The following CHD1 variants were observed in gnomAD, a reference collection of about 807,000 sequenced individuals.
CHD1 encodes ATP-dependent chromatin remodeler CHD1.
In CHD1, 36 loss-of-function variants were observed where a neutral mutation model predicts 224.2. That is an observed-to-expected ratio of 0.16 (90% CI 0.12 to 0.21). The LOEUF is 0.21. Among genes scored for constraint, CHD1 ranks in the 10% least tolerant of loss-of-function variants. CHD1 has a pLI of 1.00. For synonymous variants in CHD1, 668 were observed against 658.3 expected (o/e 1.01, Z -0.23); for missense variants, 1,378 against 1,994.8 (o/e 0.69, Z 5.89).
At chr5:98,864,193 T>C (rs550811609) in intron 31 of CHD1, among the ~76,000 whole-genome samples, 22 of 152,244 alleles carry the variant, frequency 1.4e-4, no homozygotes, top group African/African-American at 4.3e-4. Context: ...ATTGTAGCAA[T>C]AGGCACTATA....
At chr5:98,891,974 T>C (rs550720635) in intron 15 of CHD1, among the ~76,000 whole-genome samples, 16 of 152,364 alleles carry the variant, frequency 1.1e-4, no homozygotes, top group African/African-American at 3.8e-4. Flanking sequence ...AGATTTACCA[T>C]AGAATATAAA....
In CHD1 at chr5:98,873,588, G is replaced by A. The variant is rs2112334290; in HGVS notation, c.3571+5C>T. 7 of 1,581,732 alleles carry A rather than the reference G, an allele frequency of 4.4e-6. No homozygotes were observed. The highest frequency in any genetic ancestry group is 6.0e-6 in the Non-Finnish European group (7 of 1,167,126). ...TCTTTTAAATCACTCTCAGTTTAATGTTACCTGTTCGTTCTGTTCCTGAAG... is the reference window on the plus strand; with the variant it reads ...TCTTTTAAATCACTCTCAGTTTAATATTACCTGTTCGTTCTGTTCCTGAAG... On this transcript the variant is annotated splice_donor_5th_base_variant and intron_variant, in intron 26 of 35. Coordinates refer to ENST00000614616, the MANE Select transcript of CHD1 (RefSeq NM_001270.4).
chr5:98,871,179 T>C (rs1317953616), intron 28 of CHD1, among the ~76,000 whole-genome samples: 1 of 151,666 alleles, frequency 6.6e-6, no homozygotes, highest in African/African-American at 2.4e-5. Flanking sequence ...TACACAGAAA[T>C]TCCTAGACTA....
intron 15 of CHD1, among the ~76,000 whole-genome samples, chr5:98,890,823 T>C (rs1750968382): frequency 1.3e-5 from 2 of 152,324 alleles, no homozygotes; most frequent in South Asian, 2.1e-4. Flanking sequence ...AAATCTAGAT[T>C]GTGGAAAAAT....
intron 2 of CHD1, among the ~76,000 whole-genome samples, chr5:98,916,545 CAAAAAAAAAAAAAAA>C (rs33988135): frequency 7.4e-5 from 3 of 40,420 alleles, no homozygotes; most frequent in Non-Finnish European, 1.0e-4. Context: ...AACTCCGTCT[CAAAAAAAAAAAAAAA>C]AAAAAAAAAA....
chr5:98,861,706 C>G (rs1285889040), intron 32 of CHD1, among the ~76,000 whole-genome samples: 6 of 149,622 alleles, frequency 4.0e-5, no homozygotes, highest in Non-Finnish European at 7.4e-5. Context: ...AGACCACCGT[C>G]TTAGCCAGGA....
At position 98,898,433 on chromosome 5, in the gene CHD1, A is replaced by T. The variant is rs1490174381; in HGVS notation, c.1188T>A (p.Ala396=). 3.2e-6 allele frequency: 5 copies of T among 1,557,166 alleles called. No homozygotes were observed. The highest frequency in any genetic ancestry group is 4.3e-6 in the Non-Finnish European group (5 of 1,160,452). Residue 396 remains alanine (A), a splice_region_variant and synonymous_variant, in exon 10 of 36, where the codon GCT becomes GCA. Coordinates refer to ENST00000614616, the MANE Select transcript of CHD1 (RefSeq NM_001270.4). ...CAGCTGCTGACTTTTGATTGGAATG[A>T]GCTGTGAGAGAATCAGGCATTTACT... The part of the protein sequence containing the change: ...KQYQIVERII[A]HSNQKSAAGY...
In CHD1 at chr5:98,856,378, T is replaced by C. The variant is rs1361436530; in HGVS notation, c.*2A>G. ...TCCAGAAAGACGAAGTATCAGTTTTTGTTATGTTTTCCGACTACTCCAGGT... is the reference window on the plus strand; with the variant it reads ...TCCAGAAAGACGAAGTATCAGTTTTCGTTATGTTTTCCGACTACTCCAGGT... On this transcript the variant is annotated 3_prime_UTR_variant, in exon 36 of 36. Transcript: ENST00000614616. 3.7e-6 allele frequency: 6 copies of C among 1,602,766 alleles called. No homozygotes were observed. Among genetic ancestry groups the C allele is most frequent in the Non-Finnish European group, 5.1e-6 (6 of 1,170,810 alleles).
chr5:98,872,642 T>G, intron 26 of CHD1, 87 bp from the exon 27 acceptor site: 2 of 1,091,706 alleles, frequency 1.8e-6, no homozygotes, highest in Non-Finnish European at 2.7e-6. Context: ...ATTACTTATG[T>G]TATTTAACAA....
At chr5:98,885,827 A>G (rs1245080122) in intron 17 of CHD1, 178 bp from the exon 18 acceptor site, 3 of 552,448 alleles carry the variant, frequency 5.4e-6, no homozygotes, top group Admixed American at 3.3e-5. Context: ...CTGTGCTCCA[A>G]ATCACTAAGA....
intron 32 of CHD1, 41 bp from the exon 33 acceptor site, chr5:98,860,109 G>A (rs774494279): frequency 1.7e-6 from 2 of 1,147,596 alleles, no homozygotes; most frequent in African/African-American, 1.6e-5. Context: ...TTAGTCTGGT[G>A]GAAAATATTT....
chr5:98,927,910 C>G (rs1412351113), intron 1 of CHD1, among the ~76,000 whole-genome samples: 1 of 152,190 alleles, frequency 6.6e-6, no homozygotes, highest in Non-Finnish European at 1.5e-5. Flanking sequence ...TCCTCTCAAG[C>G]GTCTCCACAA....
At chr5:98,891,719 C>T (rs1751030478) in intron 15 of CHD1, among the ~76,000 whole-genome samples, 1 of 151,996 alleles carries the variant, frequency 6.6e-6, no homozygotes, top group Non-Finnish European at 1.5e-5. Flanking sequence ...GCTGAGGCAC[C>T]AGAATCATTT....
At chr5:98,878,763 G>C (rs1334185415) in intron 23 of CHD1, among the ~76,000 whole-genome samples, 2 of 152,094 alleles carry the variant, frequency 1.3e-5, no homozygotes, top group Non-Finnish European at 2.9e-5. Flanking sequence ...AAAAAAACCT[G>C]TGGGTCAAAG....
At chr5:98,928,288 A>G (rs1227046094) in intron 1 of CHD1, among the ~76,000 whole-genome samples, 1 of 151,896 alleles carries the variant, frequency 6.6e-6, no homozygotes, top group Non-Finnish European at 1.5e-5. Context: ...CCCGGTCGGC[A>G]CCAAGCCGAA....
At chr5:98,863,357 A>T in intron 32 of CHD1, 51 bp downstream of exon 32, 1 of 1,040,436 alleles carries the variant, frequency 9.6e-7, no homozygotes, top group Non-Finnish European at 1.3e-6. Context: ...AAAAAAAAAA[A>T]GACAGTTATA....
At chr5:98,858,447 CTTAG>C in intron 34 of CHD1, 57 bp from the exon 35 acceptor site, 1 of 1,393,474 alleles carries the variant, frequency 7.2e-7, no homozygotes, top group East Asian at 2.3e-5. Flanking sequence ...GCAAAAAAAA[CTTAG>C]TTGATAGATA....
rs751434476 is a variant in CHD1 at position 98,926,315 on chromosome 5, T to C, written c.53+19A>G. 1.0e-5 allele frequency: 15 copies of C among 1,449,440 alleles called. No individual in the cohort carries two copies. Among genetic ancestry groups the C allele is most frequent in the Non-Finnish European group, 1.3e-5 (14 of 1,067,572 alleles). 89.8% of individuals were successfully genotyped at this position (1,449,440 alleles called of 1,614,324 possible). A position where few individuals can be genotyped will look rare whatever the true frequency, so the allele number is the denominator to read the frequency against. On this transcript the variant is annotated intron_variant, in intron 2 of 35. Coordinates refer to ENST00000614616, the MANE Select transcript of CHD1 (RefSeq NM_001270.4). ...AACTCTCTTCATAGTAAACAATTGA[T>C]AACAAAGTGCTTACTTACCTTGATT...
intron 23 of CHD1, among the ~76,000 whole-genome samples, chr5:98,877,826 T>G (rs1347111901): frequency 6.6e-6 from 1 of 152,200 alleles, no homozygotes; most frequent in African/African-American, 2.4e-5. Flanking sequence ...GCATTATTTT[T>G]GGCTCTACTT....
Sources: gnomAD v4.1 joint callset for allele counts (sites outside exome capture counted in the v4.1 genomes callset) on GRCh38, gnomAD v4.1.1 for gene constraint, MANE v1.5 for transcripts, NCBI Gene and HGNC (gene_info 2026-07-23, HGNC 2026-07-21) for gene names.